The following LPIN3 variants were observed in gnomAD, a reference collection of about 807,000 sequenced individuals.
LPIN3 encodes the protein lipin 3, also known as phosphatidate phosphatase LPIN3.
A neutral mutation model predicts 94.7 loss-of-function variants in LPIN3; 82 were observed. The ratio of observed to expected loss-of-function variants is 0.87; its 90% confidence interval spans 0.72 to 1.04. The LOEUF is 1.04. Ranked by LOEUF, LPIN3 falls within the 50% of genes least tolerant of loss-of-function variation. The pLI is 0.00. For missense variants in LPIN3, 996 were observed against 1,090.5 expected (o/e 0.91, Z 1.22); for synonymous variants, 418 against 443.3 (o/e 0.94, Z 0.72).
In LPIN3 at chr20:41,354,835, G is replaced by T. The variant is rs1182901845; in HGVS notation, c.1636G>T (p.Glu546Ter). 2 of 1,590,392 alleles carry T rather than the reference G, an allele frequency of 1.3e-6. No individual in the cohort carries two copies. The highest frequency in any genetic ancestry group is 1.1e-5 in the South Asian group (1 of 88,612). The change falls in exon 13 of 20, where the codon GAG becomes TAG. Residue 546 changes from glutamate to a stop codon, truncating the protein, a stop_gained. Transcript: ENST00000373257. LOFTEE classifies it high-confidence loss of function. ...CTTTCCACAGCGCAGTGCCCAGAAG[G>T]AGAAGACTGCAGCCAAGGAGCAGCA... ...FLAEERSAQK[E>*]KTAAKEQQGE...
At chr20:41,342,793 G>A (rs1007945229) in intron 1 of LPIN3, among the ~76,000 whole-genome samples, 4 of 152,226 alleles carry the variant, frequency 2.6e-5, no homozygotes, top group African/African-American at 9.6e-5. Context: ...GGAACAGAGA[G>A]AGGAGAGAAT....
chr20:41,352,679 A>G lies in LPIN3; in HGVS notation c.1437A>G (p.Leu479=). Residue 479 remains leucine, a synonymous_variant, in exon 10 of 20, where the codon CTA becomes CTG. Transcript: ENST00000373257. ...KNPGLLDDPN[L]VVKINGKHYN... is the part of the protein sequence containing the mutation. ...CCGGACTTTTGGATGACCCAAACCT[A>G]GTGGTGAAAATCAATGGAAAGTAAG... 1 of 1,614,138 alleles carries G rather than the reference A, an allele frequency of 6.2e-7. No homozygotes were observed. The highest frequency in any genetic ancestry group is 8.5e-7 in the Non-Finnish European group (1 of 1,179,980).
chr20:41,345,813 G>C lies in LPIN3; in HGVS notation c.10G>C (p.Val4Leu), dbSNP rs146667115. 6.2e-7 allele frequency: 1 copy of C among 1,612,314 alleles called. No homozygotes were observed. Residue 4 changes from valine to leucine, a missense_variant, in exon 2 of 20, where the codon GTG becomes CTG. Physicochemically the swap from Val to Leu is conservative, Grantham distance 32 (BLOSUM62 1). Coordinates refer to ENST00000373257, the MANE Select transcript of LPIN3 (RefSeq NM_022896.3). ...TTTGCCAGCACCAGCCATGAACTAC[G>C]TGGGGCAGCTGGCGGAGACGGTGTT... is the stretch of plus-strand genomic sequence containing the variant. MNY[V>L]GQLAETVFGT...
Position 41,359,067 on chromosome 20 carries a change from G to C in LPIN3, c.*201G>C. The stretch of plus-strand genomic sequence containing the variant: ...CAGCTAAGCTGCAGCTGCTCCAGGC[G>C]TCAGTGTGGCACTGTCCTGGGGCAA... On this transcript the variant is annotated 3_prime_UTR_variant, in exon 20 of 20. Coordinates refer to ENST00000373257, the MANE Select transcript of LPIN3 (RefSeq NM_022896.3). The C allele has an allele frequency of 1.7e-6, 1 of 592,366 alleles. No individual in the cohort carries two copies. Among genetic ancestry groups the C allele is most frequent in the Non-Finnish European group, 2.9e-6 (1 of 340,256 alleles). 36.7% of individuals were successfully genotyped at this position (592,366 alleles called of 1,614,324 possible). A position where few individuals can be genotyped will look rare whatever the true frequency, so the allele number is the denominator to read the frequency against.
At chr20:41,343,614 T>A (rs547055911) in intron 1 of LPIN3, among the ~76,000 whole-genome samples, 1 of 152,194 alleles carries the variant, frequency 6.6e-6, no homozygotes, top group Non-Finnish European at 1.5e-5. Context: ...TGTCCTAGGA[T>A]GGGCAGGATG....
At chr20:41,342,935 C>T (rs187830962) in intron 1 of LPIN3, among the ~76,000 whole-genome samples, 92 of 152,254 alleles carry the variant, frequency 6.0e-4, no homozygotes, top group African/African-American at 2.2e-3. Context: ...GAGTAGGACC[C>T]CGGGTGCCAT....
chr20:41,355,638 A>G (rs991481620), intron 13 of LPIN3, among the ~76,000 whole-genome samples: 3 of 152,158 alleles, frequency 2.0e-5, no homozygotes, highest in East Asian at 1.9e-4. Context: ...TTTCAGGTAA[A>G]TATCTCCAAG....
Position 41,355,804 on chromosome 20 carries a change from G to A in LPIN3, c.1665-92G>A. The A allele has an allele frequency of 2.0e-6, 3 of 1,516,998 alleles. No individual in the cohort carries two copies. The Admixed American group carries it at 5.4e-5, about 27-fold the overall frequency. 94.0% of individuals were successfully genotyped at this position (1,516,998 alleles called of 1,614,324 possible). A position where few individuals can be genotyped will look rare whatever the true frequency, so the allele number is the denominator to read the frequency against. On this transcript the variant is annotated intron_variant, in intron 13 of 19. Coordinates refer to ENST00000373257, the MANE Select transcript of LPIN3 (RefSeq NM_022896.3). ...TGATACCCTGGGTAGGCCCTGGCAT[G>A]GCGGGGACAGGTCCAGCCTCCTCTT...
chr20:41,349,415 T>A (rs761539163), intron 5 of LPIN3, among the ~76,000 whole-genome samples: 30 of 152,028 alleles, frequency 2.0e-4, no homozygotes, highest in Non-Finnish European at 4.0e-4. Flanking sequence ...ATTAAGTACA[T>A]TCAGTGTTGA....
chr20:41,356,040 T>G lies in LPIN3; in HGVS notation c.1803+6T>G. ...GCCTCTCCTCCGATCAGATCGTAAG[T>G]GTGGGTTGTCTGTGTGGAGGTTGGG... On this transcript the variant is annotated splice_donor_region_variant and intron_variant, in intron 14 of 19. Transcript: ENST00000373257. 6.2e-7 allele frequency: 1 copy of G among 1,612,400 alleles called. No individual in the cohort carries two copies. Among genetic ancestry groups the G allele is most frequent in the Non-Finnish European group, 8.5e-7 (1 of 1,178,716 alleles).
At position 41,345,985 on chromosome 20, in the gene LPIN3, G is replaced by A. The variant is rs780659323; in HGVS notation, c.182G>A (p.Arg61Gln). Residue 61 changes from arginine to glutamine, a missense_variant, in exon 2 of 20, where the codon CGG (arginine) becomes CAG (glutamine). Physicochemically the swap from Arg to Gln is conservative, Grantham distance 43. Transcript: ENST00000373257. ...GGCAAGCTGGGCGTCCTGCGGTCGC[G>A]GGAGAAGGTGGTGAGTGCTCAGGCT... is the stretch of plus-strand genomic sequence containing the variant. ...RFGKLGVLRS[R>Q]EKVVDIELNG... 35 of 1,613,074 alleles carry A rather than the reference G, an allele frequency of 2.2e-5. No individual in the cohort carries two copies. The highest frequency in any genetic ancestry group is 2.6e-5 in the Non-Finnish European group (31 of 1,179,594).
chr20:41,352,495 A>G (rs1447910677), intron 9 of LPIN3, 111 bp from the exon 10 acceptor site: 16 of 1,007,434 alleles, frequency 1.6e-5, no homozygotes, highest in Non-Finnish European at 2.3e-5. Context: ...CTGCCAGGTT[A>G]CAAAGCCAAC....
chr20:41,346,718 G>A (rs2045791062), intron 2 of LPIN3, among the ~76,000 whole-genome samples: 1 of 152,332 alleles, frequency 6.6e-6, no homozygotes, highest in African/African-American at 2.4e-5. Context: ...TCTAGCCTGG[G>A]CGACAAGAGC....
intron 3 of LPIN3, among the ~76,000 whole-genome samples, chr20:41,348,299 G>A (rs1431805026): frequency 1.3e-5 from 2 of 152,206 alleles, no homozygotes; most frequent in African/African-American, 4.8e-5. Context: ...GATAGTCAAG[G>A]CTCCTTCCTG....
chr20:41,351,054 C>T (rs1161286407), intron 7 of LPIN3, among the ~76,000 whole-genome samples: 1 of 148,892 alleles, frequency 6.7e-6, no homozygotes, highest in African/African-American at 2.5e-5. Context: ...CAAGCCTGGG[C>T]AATGTAGTGA....
At position 41,352,633 on chromosome 20, in the gene LPIN3, AC is replaced by A. The variant is rs773992903; in HGVS notation, c.1393del (p.Gln465ArgfsTer15). 177 of 1,614,026 alleles carry A rather than the reference AC, an allele frequency of 1.1e-4. 2 individuals are homozygous for A. Among genetic ancestry groups the A allele is most frequent in the Middle Eastern group, 6.6e-4 (4 of 6,082 alleles). On this transcript the variant is annotated frameshift_variant, in exon 10 of 20. Coordinates refer to ENST00000373257, the MANE Select transcript of LPIN3 (RefSeq NM_022896.3). LOFTEE classifies it high-confidence loss of function. ...LEKFNQHSVS[Y>X]QDLTKNPGLL... ...AAATTCAACCAGCACAGCGTCTCTT[AC>A]CAGGACCTCACCAAAAACCCCGGAC... is the stretch of plus-strand genomic sequence containing the variant.
chr20:41,354,885 G>T, intron 13 of LPIN3, 22 bp downstream of exon 13: 5 of 1,550,562 alleles, frequency 3.2e-6, no homozygotes, highest in Non-Finnish European at 4.4e-6. Context: ...CCCCTATTGG[G>T]GCTCTGCAGG....
chr20:41,345,836 G>A lies in LPIN3; in HGVS notation c.33G>A (p.Val11=), dbSNP rs1332834933. 4 of 1,613,898 alleles carry A rather than the reference G, an allele frequency of 2.5e-6. No homozygotes were observed. The highest frequency in any genetic ancestry group is 1.3e-5 in the African/African-American group (1 of 74,942). Residue 11 remains valine (V), a synonymous_variant, in exon 2 of 20, where the codon GTG becomes GTA. Coordinates refer to ENST00000373257, the MANE Select transcript of LPIN3 (RefSeq NM_022896.3). MNYVGQLAET[V]FGTVKELYRG... is the part of the protein sequence containing the mutation. Reference sequence around the variant, plus strand: ...ACGTGGGGCAGCTGGCGGAGACGGTGTTTGGGACGGTGAAGGAGCTGTACC... The same window carrying A: ...ACGTGGGGCAGCTGGCGGAGACGGTATTTGGGACGGTGAAGGAGCTGTACC...
chr20:41,349,711 CTG>C, intron 5 of LPIN3, 61 bp from the exon 6 acceptor site: 1 of 1,551,608 alleles, frequency 6.4e-7, no homozygotes, highest in South Asian at 1.2e-5. Flanking sequence ...TTTTCCCTGG[CTG>C]GGGTGGGCAG....
Sources: gnomAD v4.1 joint callset for allele counts (sites outside exome capture counted in the v4.1 genomes callset) on GRCh38, gnomAD v4.1.1 for gene constraint, MANE v1.5 for transcripts, NCBI Gene and HGNC (gene_info 2026-07-23, HGNC 2026-07-21) for gene names.